GTPBP10: variants seen among roughly 807,000 people sequenced by gnomAD.
The protein encoded by GTPBP10 is GTP binding protein 10.
GTPBP10 carries 38 observed loss-of-function variants against 44.8 expected under a neutral mutation model. The observed-to-expected ratio is 0.85, with a 90% CI of 0.65 to 1.11. The LOEUF (loss-of-function observed/expected upper bound fraction) is 1.11. Ranked by LOEUF, GTPBP10 falls within the 50% of genes most tolerant of loss-of-function variation. The pLI, the probability that GTPBP10 is intolerant of heterozygous loss-of-function variation, is 0.00. For synonymous variants in GTPBP10, 152 were observed against 150.6 expected (o/e 1.01, Z -0.07); for missense variants, 462 against 453.7 (o/e 1.02, Z -0.17).
chr7:90,365,194 C>T (rs1407010355), intron 4 of GTPBP10, among the ~76,000 whole-genome samples: 2 of 152,108 alleles, frequency 1.3e-5, no homozygotes, highest in Non-Finnish European at 2.9e-5. Context: ...GTTGGAAATG[C>T]AGAAATCACC....
Position 90,388,040 on chromosome 7 carries a change from C to T in GTPBP10, c.*2886C>T, listed in dbSNP as rs1796554775. On this transcript the variant is annotated 3_prime_UTR_variant, in exon 10 of 10. Coordinates refer to ENST00000222511, the MANE Select transcript of GTPBP10 (RefSeq NM_033107.4). ...GGATTATTTGCTCTGTCAGTAGTGCCCAGGGTGCCACTCCATGACTAACCG... is the reference window on the plus strand; with the variant it reads ...GGATTATTTGCTCTGTCAGTAGTGCTCAGGGTGCCACTCCATGACTAACCG... 1 of 152,044 alleles carries T rather than the reference C, an allele frequency of 6.6e-6. No homozygotes were observed. Among genetic ancestry groups the T allele is most frequent in the Non-Finnish European group, 1.5e-5 (1 of 68,012 alleles). 9.4% of individuals were successfully genotyped at this position (152,044 alleles called of 1,614,324 possible).
intron 4 of GTPBP10, among the ~76,000 whole-genome samples, chr7:90,369,303 T>C (rs1228980750): frequency 1.3e-5 from 2 of 152,114 alleles, no homozygotes; most frequent in African/African-American, 4.8e-5. Flanking sequence ...TTGAACACCA[T>C]GCTGGGAGAA....
At position 90,386,349 on chromosome 7, in the gene GTPBP10, A is replaced by G. The variant is rs185632792; in HGVS notation, c.*1195A>G. The G allele has an allele frequency of 6.6e-5, 10 of 152,346 alleles. No homozygotes were observed. The highest frequency in any genetic ancestry group is 1.3e-4 in the Admixed American group (2 of 15,306). The allele number at this position is 152,346 out of a possible 1,614,324, so 9.4% of individuals were successfully genotyped here. On this transcript the variant is annotated 3_prime_UTR_variant, in exon 10 of 10. Transcript: ENST00000222511. ...TGATAGTAAAGATATGACAGAAACT[A>G]GAAGATAGCTGTTTATGATTTGAGC...
Position 90,355,067 on chromosome 7 carries a change from TTCTC to T in GTPBP10, c.320-16_320-13del, listed in dbSNP as rs111573200. ...ACTTATTAATCTTTGCTGTAAGTAT[TTCTC>T]TCCCTCTTTTTAAGGAGAACTCAAT... is the stretch of plus-strand genomic sequence containing the variant. On this transcript the variant is annotated splice_polypyrimidine_tract_variant and intron_variant, in intron 3 of 9. Coordinates refer to ENST00000222511, the MANE Select transcript of GTPBP10 (RefSeq NM_033107.4). 1 of 1,497,296 alleles carries T rather than the reference TTCTC, an allele frequency of 6.7e-7. No homozygotes were observed. The highest frequency in any genetic ancestry group is 9.1e-7 in the Non-Finnish European group (1 of 1,094,678). The allele number at this position is 1,497,296 out of a possible 1,614,324, so 92.8% of individuals were successfully genotyped here. A position where few individuals can be genotyped will look rare whatever the true frequency, so the allele number is the denominator to read the frequency against.
chr7:90,348,481 T>C (rs1018029521), intron 1 of GTPBP10, among the ~76,000 whole-genome samples: 4 of 152,178 alleles, frequency 2.6e-5, no homozygotes, highest in Non-Finnish European at 5.9e-5. Flanking sequence ...AAACAGTTAC[T>C]AAGAAAGTCA....
intron 8 of GTPBP10, among the ~76,000 whole-genome samples, chr7:90,382,730 G>A (rs1270356522): frequency 1.3e-5 from 2 of 152,016 alleles, no homozygotes; most frequent in African/African-American, 4.8e-5. Flanking sequence ...GACTCTAGAC[G>A]CAAAATTACA....
chr7:90,383,197 G>A, intron 9 of GTPBP10, 118 bp downstream of exon 9: 2 of 616,418 alleles, frequency 3.2e-6, no homozygotes, highest in Non-Finnish European at 5.0e-6. Flanking sequence ...TTTGAAGAAA[G>A]AATATACAAA....
Position 90,377,590 on chromosome 7 carries a change from A to G in GTPBP10, c.675A>G (p.Glu225=), listed in dbSNP as rs1357421475. 7.5e-6 allele frequency: 12 copies of G among 1,609,696 alleles called. No homozygotes were observed. The highest frequency in any genetic ancestry group is 1.0e-5 in the Non-Finnish European group (12 of 1,176,992). ...GMGHKFLKHI[E]RTRQLLFVVD... ...GCCACAAATTCCTCAAGCATATAGA[A>G]AGAACTAGACAACTACTTTTTGTTG... The change falls in exon 7 of 10, where the codon GAA becomes GAG. Residue 225 remains glutamate (E), a synonymous_variant. Coordinates refer to ENST00000222511, the MANE Select transcript of GTPBP10 (RefSeq NM_033107.4).
intron 4 of GTPBP10, among the ~76,000 whole-genome samples, chr7:90,361,738 T>C (rs1056352262): frequency 1.3e-5 from 2 of 152,182 alleles, no homozygotes; most frequent in Non-Finnish European, 2.9e-5. Flanking sequence ...TGGTAGAATT[T>C]GGCTGTGAAT....
rs1412961574 is a variant in GTPBP10, at chr7:90,389,360, A to T, written c.*4206A>T. The T allele has an allele frequency of 6.6e-6, 1 of 151,326 alleles. No homozygotes were observed. Among genetic ancestry groups the T allele is most frequent in the Non-Finnish European group, 1.5e-5 (1 of 67,864 alleles). The allele number at this position is 151,326 out of a possible 1,614,324, so 9.4% of individuals were successfully genotyped here. On this transcript the variant is annotated 3_prime_UTR_variant, in exon 10 of 10. Coordinates refer to ENST00000222511, the MANE Select transcript of GTPBP10 (RefSeq NM_033107.4). ...GGTGAATACATGAGTTGTTTTTTAAACTCTTTTGGGAGCCTAAAAAATTTG... is the reference window on the plus strand; with the variant it reads ...GGTGAATACATGAGTTGTTTTTTAATCTCTTTTGGGAGCCTAAAAAATTTG...
rs758529195 is a variant in GTPBP10, at chr7:90,385,071, A to T, written c.1081A>T (p.Asn361Tyr). 6.2e-7 allele frequency: 1 copy of T among 1,613,758 alleles called. No homozygotes were observed. The change falls in exon 10 of 10, where the codon AAT (asparagine) becomes TAT (tyrosine). Residue 361 changes from asparagine (N) to tyrosine (Y), a missense_variant. By Grantham distance (143) the Asn-to-Tyr change is moderately radical. Transcript: ENST00000222511. ...NDALHKKQLL[N>Y]LWISDTMSST... ...TGCACTTCATAAGAAACAGTTGCTT[A>T]ATTTGTGGATTTCTGATACAATGTC...
Position 90,354,067 on chromosome 7 carries a change from CAA to C in GTPBP10, c.228-390_228-389del, listed in dbSNP as rs1309102080. 4.6e-5 allele frequency among the ~76,000 whole-genome samples: 7 copies of C among 152,180 alleles called. No individual in the cohort carries two copies. In the East Asian group the frequency reaches 5.8e-4, roughly 13 times the overall value. On this transcript the variant is annotated intron_variant, in intron 2 of 9. Transcript: ENST00000222511. ...CAGGCTTGTCTTGAACTCCTGGACT[CAA>C]GAGATCCTCCTGCCTCCGCCTCCCA... is the stretch of plus-strand genomic sequence containing the variant.
At chr7:90,358,608 G>A (rs174060) in intron 4 of GTPBP10, among the ~76,000 whole-genome samples, 119,921 of 152,144 alleles carry the variant, frequency 0.79, 47,381 homozygotes, top group East Asian at 0.89. Flanking sequence ...CATTATATAC[G>A]AAAATTAAGA....
chr7:90,388,859 C>T lies in GTPBP10; in HGVS notation c.*3705C>T, dbSNP rs1429833443. ...TTTCCAAGCAGTTTCACAGTGTTTG[C>T]AAAGTTCAGATTGAAAACCCAGTTT... On this transcript the variant is annotated 3_prime_UTR_variant, in exon 10 of 10. Transcript: ENST00000222511. 1.3e-5 allele frequency: 2 copies of T among 152,160 alleles called. No individual in the cohort carries two copies. The highest frequency in any genetic ancestry group is 2.4e-5 in the African/African-American group (1 of 41,436). The allele number at this position is 152,160 out of a possible 1,614,324, so 9.4% of individuals were successfully genotyped here.
Position 90,386,389 on chromosome 7 carries a change from C to T in GTPBP10, c.*1235C>T, listed in dbSNP as rs1471835334. The T allele has an allele frequency of 2.6e-5, 4 of 152,126 alleles. No individual in the cohort carries two copies. Among genetic ancestry groups the T allele is most frequent in the African/African-American group, 4.8e-5 (2 of 41,436 alleles). 9.4% of individuals were successfully genotyped at this position (152,126 alleles called of 1,614,324 possible). A position where few individuals can be genotyped will look rare whatever the true frequency, so the allele number is the denominator to read the frequency against. ...ATGATTTGAGCTTTTGGAAAATTTTCGTTTCTTGAATGTAATAGTATTTTT... is the reference window on the plus strand; with the variant it reads ...ATGATTTGAGCTTTTGGAAAATTTTTGTTTCTTGAATGTAATAGTATTTTT... On this transcript the variant is annotated 3_prime_UTR_variant, in exon 10 of 10. Transcript: ENST00000222511.
chr7:90,355,405 GTT>G (rs1795877087), intron 4 of GTPBP10, among the ~76,000 whole-genome samples, 175 bp downstream of exon 4: 1 of 152,060 alleles, frequency 6.6e-6, no homozygotes, highest in Non-Finnish European at 1.5e-5. Flanking sequence ...CCAACACAGA[GTT>G]TCATAGTTAT....
At chr7:90,374,165 T>C in intron 5 of GTPBP10, 137 bp from the exon 6 acceptor site, 1 of 690,940 alleles carries the variant, frequency 1.4e-6, no homozygotes, top group Non-Finnish European at 2.6e-6. Context: ...ATAGCAAAGA[T>C]AATAATAGTT....
chr7:90,380,074 CTTTTTTTTTT>C (rs58735928), intron 8 of GTPBP10, among the ~76,000 whole-genome samples: 1 of 104,348 alleles, frequency 9.6e-6, no homozygotes, highest in Non-Finnish European at 1.9e-5. Flanking sequence ...AGTCCCTTCT[CTTTTTTTTTT>C]TTTTTTTTTT....
At chr7:90,373,695 A>G (rs151037060) in intron 5 of GTPBP10, among the ~76,000 whole-genome samples, 1 of 152,178 alleles carries the variant, frequency 6.6e-6, no homozygotes, top group Non-Finnish European at 1.5e-5. Context: ...AATTTCAGCC[A>G]CAGATCCAGT....
Sources: gnomAD v4.1 joint callset for allele counts (sites outside exome capture counted in the v4.1 genomes callset) on GRCh38, gnomAD v4.1.1 for gene constraint, MANE v1.5 for transcripts, NCBI Gene and HGNC (gene_info 2026-07-23, HGNC 2026-07-21) for gene names.